The following VAMP7 variants were observed in gnomAD, a reference collection of about 807,000 sequenced individuals.
VAMP7 encodes vesicle associated membrane protein 7, also known as vesicle-associated membrane protein 7.
Under a neutral mutation model 29.6 loss-of-function variants are expected in VAMP7, and 14 were observed. The ratio of observed to expected loss-of-function variants is 0.47; its 90% confidence interval spans 0.31 to 0.74. The LOEUF is 0.74. Among genes scored for constraint, VAMP7 ranks in the 30% least tolerant of loss-of-function variants. The pLI is 0.05. For missense variants in VAMP7, 223 were observed against 262.4 expected (o/e 0.85, Z 1.04); for synonymous variants, 95 against 88.1 (o/e 1.08, Z -0.44).
At chrX:155,925,717 A>G (rs927667962) in intron 6 of VAMP7, among the ~76,000 whole-genome samples, 2 of 152,162 alleles carry the variant, frequency 1.3e-5, no homozygotes, top group Non-Finnish European at 2.9e-5. Flanking sequence ...TATTCTTTTG[A>G]GTTTCTGATG....
At chrX:155,886,441 A>G (rs1235226203) in intron 1 of VAMP7, among the ~76,000 whole-genome samples, 1 of 152,154 alleles carries the variant, frequency 6.6e-6, no homozygotes, top group African/African-American at 2.4e-5. Flanking sequence ...TAAGTTGGGG[A>G]CTGCTTTTAT....
intron 7 of VAMP7, among the ~76,000 whole-genome samples, chrX:155,940,144 G>C (rs1266879604): frequency 6.6e-6 from 1 of 151,896 alleles, no homozygotes. Flanking sequence ...TTTCTAATAT[G>C]GCAAATGCTG....
Position 155,942,964 on chromosome X carries a change from T to C in VAMP7, c.*1013T>C, listed in dbSNP as rs1299778906. The C allele has an allele frequency of 6.6e-6, 1 of 151,904 alleles. No homozygotes were observed. The highest frequency in any genetic ancestry group is 2.1e-4 in the South Asian group (1 of 4,804). 9.4% of individuals were successfully genotyped at this position (151,904 alleles called of 1,614,324 possible). ...TTGAATAATAGTTTTGAGCATTCTT[T>C]GTGGTTAAATAAATTCTTAAATCTG... On this transcript the variant is annotated 3_prime_UTR_variant, in exon 8 of 8. Coordinates refer to ENST00000286448, the MANE Select transcript of VAMP7 (RefSeq NM_005638.6).
intron 2 of VAMP7, among the ~76,000 whole-genome samples, chrX:155,894,022 ATGTCAGTCCTC>A (rs2065955789): frequency 6.6e-6 from 1 of 152,154 alleles, no homozygotes; most frequent in Non-Finnish European, 1.5e-5. Flanking sequence ...CTTGTAATTC[ATGTCAGTCCTC>A]TGTGAACATT....
At chrX:155,924,732 G>A (rs756522623) in intron 6 of VAMP7, among the ~76,000 whole-genome samples, 5 of 152,234 alleles carry the variant, frequency 3.3e-5, no homozygotes, top group African/African-American at 1.2e-4. Context: ...GGTGGCTGTG[G>A]CAATTTCTTA....
At chrX:155,937,548 T>C (rs1227534565) in intron 6 of VAMP7, among the ~76,000 whole-genome samples, 1 of 152,174 alleles carries the variant, frequency 6.6e-6, no homozygotes, top group Non-Finnish European at 1.5e-5. Flanking sequence ...CCATTTTTAT[T>C]TGCCAATTAT....
At chrX:155,925,784 C>G (rs1368947685) in intron 6 of VAMP7, among the ~76,000 whole-genome samples, 1 of 152,140 alleles carries the variant, frequency 6.6e-6, no homozygotes, top group Middle Eastern at 3.2e-3. Context: ...AGAGGGGTGA[C>G]TTTGAATAGA....
intron 6 of VAMP7, among the ~76,000 whole-genome samples, chrX:155,920,885 A>C (rs1432266793): frequency 2.6e-5 from 4 of 152,218 alleles, no homozygotes; most frequent in Admixed American, 6.5e-5. Flanking sequence ...ACAGTCTACT[A>C]TCAGGTTTTC....
intron 6 of VAMP7, among the ~76,000 whole-genome samples, chrX:155,925,472 A>T (rs1261471808): frequency 6.6e-6 from 1 of 152,208 alleles, no homozygotes; most frequent in Non-Finnish European, 1.5e-5. Context: ...TATTTTGCCA[A>T]AGTTGAGAGC....
intron 5 of VAMP7, among the ~76,000 whole-genome samples, chrX:155,914,002 G>A (rs1804511190): frequency 6.6e-6 from 1 of 152,140 alleles, no homozygotes; most frequent in South Asian, 2.1e-4. Flanking sequence ...AGCATGGAAT[G>A]TTTTTCCATT....
intron 6 of VAMP7, among the ~76,000 whole-genome samples, chrX:155,922,046 G>A (rs2066403823): frequency 6.6e-6 from 1 of 151,894 alleles, no homozygotes; most frequent in South Asian, 2.1e-4. Context: ...ATTTACCCTT[G>A]AGAATATCAT....
chrX:155,913,005 C>T (rs1170819329), intron 5 of VAMP7, among the ~76,000 whole-genome samples: 2 of 152,208 alleles, frequency 1.3e-5, no homozygotes, highest in Non-Finnish European at 2.9e-5. Context: ...TATTGCTCCA[C>T]ATCCTCTCCA....
chrX:155,890,892 A>G, intron 2 of VAMP7, among the ~76,000 whole-genome samples: 1 of 152,278 alleles, frequency 6.6e-6, no homozygotes, highest in South Asian at 2.1e-4. Context: ...CTAAGCTACT[A>G]TGAGAGAGAC....
At chrX:155,898,032 G>C in intron 3 of VAMP7, 80 bp from the exon 4 acceptor site, 1 of 1,534,914 alleles carries the variant, frequency 6.5e-7, no homozygotes, top group Middle Eastern at 1.8e-4. Flanking sequence ...AATGTTAGCT[G>C]TTTTTTATTG....
chrX:155,938,454 G>GT (rs35199053), intron 6 of VAMP7, among the ~76,000 whole-genome samples: 152,245 of 152,246 alleles, frequency 1, 76,122 homozygotes, highest in Non-Finnish European at 1. Flanking sequence ...AAACCAATAT[G>GT]TGAAGTATAA....
intron 6 of VAMP7, among the ~76,000 whole-genome samples, chrX:155,920,675 A>G (rs1425263680): frequency 5.3e-5 from 8 of 152,202 alleles, no homozygotes; most frequent in Non-Finnish European, 8.8e-5. Flanking sequence ...ACCTTAGGCA[A>G]ATGACTTAAC....
chrX:155,905,513 G>A (rs2066134982), intron 5 of VAMP7, among the ~76,000 whole-genome samples: 1 of 152,054 alleles, frequency 6.6e-6, no homozygotes, highest in African/African-American at 2.4e-5. Context: ...TTACTACTTT[G>A]TTTTCTTCTA....
chrX:155,906,428 A>G (rs755167760), intron 5 of VAMP7, among the ~76,000 whole-genome samples: 49 of 152,170 alleles, frequency 3.2e-4, no homozygotes, highest in African/African-American at 1.0e-3. Context: ...GTTGAGCTCA[A>G]TCTCTCCCCT....
intron 5 of VAMP7, among the ~76,000 whole-genome samples, chrX:155,906,938 G>A (rs1358668466): frequency 2.6e-5 from 4 of 152,132 alleles, no homozygotes; most frequent in African/African-American, 9.7e-5. Flanking sequence ...TATGAGGTTA[G>A]CTGTGGGTTT....
Sources: allele counts gnomAD v4.1 joint callset (sites outside exome capture counted in the v4.1 genomes callset), GRCh38; gene constraint gnomAD v4.1.1; transcripts MANE v1.5; gene names NCBI Gene and HGNC (gene_info 2026-07-23, HGNC 2026-07-21).